Variants in EYS observed in about 807,000 individuals in gnomAD.
EYS encodes EGF-like photoreceptor maintenance factor.
A neutral mutation model predicts 282.1 loss-of-function variants in EYS; 250 were observed. The observed-to-expected ratio is 0.89, with a 90% CI of 0.80 to 0.98. The LOEUF is 0.98. Among genes scored for constraint, EYS ranks in the 50% least tolerant of loss-of-function variants. The pLI, the probability that EYS is intolerant of heterozygous loss-of-function variation, is 0.00. For synonymous variants in EYS, 1,355 were observed against 1,282.9 expected (o/e 1.06, Z -1.20); for missense variants, 4,016 against 3,709.0 (o/e 1.08, Z -2.15).
chr6:65,561,236 T>C (rs1769045619), intron 2 of EYS, among the ~76,000 whole-genome samples: 1 of 152,110 alleles, frequency 6.6e-6, no homozygotes, highest in Non-Finnish European at 1.5e-5. Context: ...TAAAACTCCA[T>C]GTTGGATATT....
At chr6:64,163,717 A>AT (rs1182820484) in intron 31 of EYS, among the ~76,000 whole-genome samples, 4 of 152,202 alleles carry the variant, frequency 2.6e-5, no homozygotes, top group Admixed American at 2.0e-4. Context: ...AGGCAAAAGG[A>AT]TTTTTTTAAA....
chr6:65,167,668 G>T (rs1453930710), intron 12 of EYS, among the ~76,000 whole-genome samples: 1 of 151,148 alleles, frequency 6.6e-6, no homozygotes, highest in Non-Finnish European at 1.5e-5. Context: ...AAACTGACTT[G>T]AGAGTACCTG....
intron 33 of EYS, among the ~76,000 whole-genome samples, chr6:64,009,743 G>T (rs759859221): frequency 2.0e-5 from 3 of 151,980 alleles, no homozygotes; most frequent in African/African-American, 4.8e-5. Flanking sequence ...AGCCATTTAG[G>T]CCTGATTAAG....
At chr6:65,212,989 T>G (rs1485387237) in intron 12 of EYS, among the ~76,000 whole-genome samples, 1 of 152,170 alleles carries the variant, frequency 6.6e-6, no homozygotes, top group Non-Finnish European at 1.5e-5. Context: ...CGATCGATGT[T>G]CGTTACATTT....
intron 14 of EYS, among the ~76,000 whole-genome samples, chr6:64,954,220 T>G (rs540155875): frequency 2.4e-4 from 37 of 151,972 alleles, no homozygotes; most frequent in Non-Finnish European, 2.4e-4. Flanking sequence ...TGCCCTACCT[T>G]CATAAACCAT....
intron 14 of EYS, among the ~76,000 whole-genome samples, chr6:64,982,359 A>G (rs940253516): frequency 6.6e-6 from 1 of 151,436 alleles, no homozygotes; most frequent in Non-Finnish European, 1.5e-5. Context: ...AAATATGCCA[A>G]CACTTTAGAT....
At chr6:65,684,251 G>C (rs1483764015) in intron 1 of EYS, among the ~76,000 whole-genome samples, 1 of 151,974 alleles carries the variant, frequency 6.6e-6, no homozygotes, top group Non-Finnish European at 1.5e-5. Flanking sequence ...AGTCATGCAG[G>C]ATTTAGTTAA....
intron 30 of EYS, among the ~76,000 whole-genome samples, chr6:64,249,347 C>T (rs1767130025): frequency 6.6e-6 from 1 of 151,998 alleles, no homozygotes; most frequent in South Asian, 2.1e-4. Context: ...CATGGTTGTA[C>T]AGAGTGGAAT....
chr6:65,099,128 T>C (rs974542346), intron 12 of EYS, among the ~76,000 whole-genome samples: 3 of 150,596 alleles, frequency 2.0e-5, no homozygotes, highest in Non-Finnish European at 4.5e-5. Flanking sequence ...CTATCTGTAG[T>C]TAAATGTGAG....
intron 31 of EYS, among the ~76,000 whole-genome samples, chr6:64,155,990 A>G (rs185574699): frequency 0.021 from 3,064 of 148,380 alleles, 92 homozygotes; most frequent in African/African-American, 0.07. Flanking sequence ...ATATATATAT[A>G]TGTGTGTGTG....
intron 29 of EYS, among the ~76,000 whole-genome samples, chr6:64,386,870 C>G (rs1772927293): frequency 6.6e-6 from 1 of 152,086 alleles, no homozygotes; most frequent in Non-Finnish European, 1.5e-5. Context: ...GTAGTCCTAA[C>G]CCCTCCAGTT....
chr6:64,723,199 T>C (rs532327046), intron 22 of EYS, among the ~76,000 whole-genome samples: 2 of 152,270 alleles, frequency 1.3e-5, no homozygotes, highest in African/African-American at 4.8e-5. Context: ...TTTGCCATAA[T>C]GACTTATGAG....
chr6:65,547,421 TTAA>T (rs562374484), intron 2 of EYS, among the ~76,000 whole-genome samples: 3 of 151,882 alleles, frequency 2.0e-5, no homozygotes, highest in Non-Finnish European at 2.9e-5. Flanking sequence ...AAAATAAATT[TTAA>T]TAATATTACA....
intron 29 of EYS, among the ~76,000 whole-genome samples, chr6:64,351,103 A>G (rs1771618095): frequency 6.6e-6 from 1 of 150,564 alleles, no homozygotes; most frequent in Non-Finnish European, 1.5e-5. Context: ...AGCCTCAGGT[A>G]TTTCTTCATA....
At chr6:65,427,729 C>T (rs987717886) in intron 5 of EYS, among the ~76,000 whole-genome samples, 5 of 151,836 alleles carry the variant, frequency 3.3e-5, no homozygotes, top group Non-Finnish European at 7.4e-5. Context: ...TATTAACTCA[C>T]CATCTGTAAT....
intron 22 of EYS, among the ~76,000 whole-genome samples, chr6:64,635,672 G>T (rs1767950616): frequency 6.6e-6 from 1 of 152,182 alleles, no homozygotes; most frequent in Non-Finnish European, 1.5e-5. Context: ...CAGGGATGAA[G>T]CCCACTTGAT....
chr6:65,593,428 A>G (rs1765299246), intron 2 of EYS, among the ~76,000 whole-genome samples: 2 of 152,068 alleles, frequency 1.3e-5, no homozygotes, highest in Admixed American at 1.3e-4. Flanking sequence ...TTGAAAATCA[A>G]TGCCTTAGGG....
intron 2 of EYS, among the ~76,000 whole-genome samples, chr6:65,619,017 G>A (rs945084030): frequency 2.2e-4 from 34 of 152,170 alleles, no homozygotes; most frequent in Non-Finnish European, 3.8e-4. Context: ...TTTGGCTTCA[G>A]ATTGACTTGG....
chr6:64,053,316 A>T (rs980545347), intron 33 of EYS, among the ~76,000 whole-genome samples: 2 of 152,158 alleles, frequency 1.3e-5, no homozygotes, highest in Non-Finnish European at 2.9e-5. Context: ...TTTTTATTAC[A>T]GTTGAGCTTC....
Sources: allele counts gnomAD v4.1 joint callset (sites outside exome capture counted in the v4.1 genomes callset), GRCh38; gene constraint gnomAD v4.1.1; transcripts MANE v1.5; gene names NCBI Gene and HGNC (gene_info 2026-07-23, HGNC 2026-07-21).